BTBD9: variants seen among roughly 807,000 people sequenced by gnomAD.
BTBD9 encodes the protein BTB/POZ domain-containing protein 9.
In BTBD9, 49 loss-of-function variants were observed where a neutral mutation model predicts 64.3. The observed-to-expected ratio is 0.76, with a 90% CI of 0.61 to 0.97. BTBD9 has a LOEUF of 0.97. Among genes scored for constraint, BTBD9 ranks in the 50% least tolerant of loss-of-function variants. The pLI is 0.00. For synonymous variants in BTBD9, 260 were observed against 274.7 expected (o/e 0.95, Z 0.53); for missense variants, 598 against 762.1 (o/e 0.78, Z 2.53).
chr6:38,432,139 T>A (rs1768469716), intron 6 of BTBD9, among the ~76,000 whole-genome samples: 1 of 152,032 alleles, frequency 6.6e-6, no homozygotes, highest in Non-Finnish European at 1.5e-5. Flanking sequence ...TTTGTCTCTT[T>A]TGCACAAGCT....
At chr6:38,321,347 T>C (rs551327271) in intron 7 of BTBD9, among the ~76,000 whole-genome samples, 32 of 152,304 alleles carry the variant, frequency 2.1e-4, no homozygotes, top group South Asian at 1.2e-3. Context: ...AAAGGTACCC[T>C]ACAGTATTTA....
At chr6:38,600,628 T>C (rs909601266) in intron 1 of BTBD9, among the ~76,000 whole-genome samples, 3 of 152,206 alleles carry the variant, frequency 2.0e-5, no homozygotes, top group Non-Finnish European at 4.4e-5. Flanking sequence ...GCAATGTATA[T>C]ACCCAGTAAA....
intron 6 of BTBD9, among the ~76,000 whole-genome samples, chr6:38,360,502 G>C (rs1216192797): frequency 6.6e-6 from 1 of 152,082 alleles, no homozygotes; most frequent in Non-Finnish European, 1.5e-5. Context: ...AGTACATTCT[G>C]TTATATAAAT....
rs141378489 is a variant in BTBD9, at chr6:38,371,715, T to C, written c.1155-26622A>G. Among the ~76,000 whole-genome samples, 850 of 152,298 alleles carry C rather than the reference T, an allele frequency of 5.6e-3. 4 individuals carry two copies. The highest frequency in any genetic ancestry group is 8.4e-3 in the Non-Finnish European group (572 of 68,030). ...TTTCTGTAATCTGCACACCAGCACA[T>C]TGAAAATAATGTAAACAAGGTCAGC... is the stretch of plus-strand genomic sequence containing the variant. On this transcript the variant is annotated intron_variant, in intron 6 of 10. Coordinates refer to ENST00000481247, the MANE Select transcript of BTBD9 (RefSeq NM_001099272.2).
intron 7 of BTBD9, among the ~76,000 whole-genome samples, chr6:38,302,485 G>GTATGTGTGTGTGTGTATATATATATATA (rs1384155514): frequency 2.8e-5 from 3 of 106,894 alleles, no homozygotes; most frequent in African/African-American, 1.1e-4. Context: ...TTGTGTGTAT[G>GTATGTGTGTGTGTGTATATATATATATA]TATATATATA....
intron 6 of BTBD9, among the ~76,000 whole-genome samples, chr6:38,402,055 T>G (rs918041690): frequency 1.3e-5 from 2 of 151,586 alleles, no homozygotes; most frequent in Admixed American, 6.6e-5. Context: ...AAATGAACAA[T>G]GAAAAAATGA....
rs750773305 is a variant in BTBD9 at position 38,598,966 on chromosome 6, G to T, written c.-27-845C>A. 1.0e-3 allele frequency among the ~76,000 whole-genome samples: 152 copies of T among 151,976 alleles called. 1 individual carries two copies. The highest frequency in any genetic ancestry group is 1.9e-3 in the Non-Finnish European group (130 of 68,004). ...TCTTCTGGAGTCACAAAAATAACTT[G>T]ACATTTATTAATGAACATTTGCAGT... On this transcript the variant is annotated intron_variant, in intron 1 of 10. Transcript: ENST00000481247.
At chr6:38,374,307 G>GTATATATATATATATGTA (rs1765576897) in intron 6 of BTBD9, among the ~76,000 whole-genome samples, 2 of 59,094 alleles carry the variant, frequency 3.4e-5, no homozygotes, top group Admixed American at 2.2e-4. Flanking sequence ...GTATATATAT[G>GTATATATATATATATGTA]TATATATATA....
intron 9 of BTBD9, among the ~76,000 whole-genome samples, chr6:38,209,969 G>A (rs1231258021): frequency 2.0e-5 from 3 of 152,154 alleles, no homozygotes; most frequent in African/African-American, 7.2e-5. Flanking sequence ...CACAGAGAGC[G>A]GCAGGACCCT....
intron 6 of BTBD9, among the ~76,000 whole-genome samples, chr6:38,450,071 T>A (rs1769452809): frequency 6.6e-6 from 1 of 152,154 alleles, no homozygotes; most frequent in Non-Finnish European, 1.5e-5. Context: ...GATAGATACA[T>A]AAATGGAATA....
At chr6:38,292,191 T>C (rs564351143) in intron 7 of BTBD9, among the ~76,000 whole-genome samples, 2 of 152,138 alleles carry the variant, frequency 1.3e-5, no homozygotes, top group African/African-American at 4.8e-5. Flanking sequence ...CTTGAACTCC[T>C]GACCTCAGGT....
rs1328020733 is a variant in BTBD9, at chr6:38,569,684, TAAACA to T, written c.1154+7911_1154+7915del. 8.5e-5 allele frequency among the ~76,000 whole-genome samples: 13 copies of T among 152,296 alleles called. No homozygotes were observed. In the East Asian group the frequency reaches 2.3e-3, roughly 27 times the overall value. Reference sequence around the variant, plus strand: ...AGAAGCTCAACATGTTATTATCCTCTAAACAAAACAAAACAAAGAAGCTTGGATTC... The same window carrying T: ...AGAAGCTCAACATGTTATTATCCTCTAAACAAAACAAAGAAGCTTGGATTC... On this transcript the variant is annotated intron_variant, in intron 6 of 10. Coordinates refer to ENST00000481247, the MANE Select transcript of BTBD9 (RefSeq NM_001099272.2).
At chr6:38,300,224 T>C (rs1012870315) in intron 7 of BTBD9, among the ~76,000 whole-genome samples, 2 of 152,192 alleles carry the variant, frequency 1.3e-5, no homozygotes, top group Non-Finnish European at 2.9e-5. Context: ...TATATCTCTG[T>C]TTTGGAACCA....
At chr6:38,239,247 C>A (rs1300519245) in intron 9 of BTBD9, among the ~76,000 whole-genome samples, 1 of 151,986 alleles carries the variant, frequency 6.6e-6, no homozygotes, top group Non-Finnish European at 1.5e-5. Flanking sequence ...CGAGACCATC[C>A]TGGCCAACAT....
intron 1 of BTBD9, among the ~76,000 whole-genome samples, chr6:38,598,923 AAAT>A (rs976453124): frequency 1.3e-5 from 2 of 152,008 alleles, no homozygotes; most frequent in Non-Finnish European, 2.9e-5. Flanking sequence ...TTCTCAAAAA[AAAT>A]AATAATAATA....
intron 4 of BTBD9, among the ~76,000 whole-genome samples, chr6:38,591,564 T>C (rs1776790943): frequency 6.6e-6 from 1 of 152,220 alleles, no homozygotes; most frequent in African/African-American, 2.4e-5. Context: ...TAGTGGTTAA[T>C]TACACAACTT....
At chr6:38,455,493 T>C (rs1429224707) in intron 6 of BTBD9, among the ~76,000 whole-genome samples, 1 of 152,234 alleles carries the variant, frequency 6.6e-6, no homozygotes, top group African/African-American at 2.4e-5. Flanking sequence ...TATAGAATGA[T>C]ATATAAATGG....
At chr6:38,257,029 C>A (rs1408108203) in intron 8 of BTBD9, among the ~76,000 whole-genome samples, 1 of 151,446 alleles carries the variant, frequency 6.6e-6, no homozygotes, top group Non-Finnish European at 1.5e-5. Context: ...CCCACCTCAG[C>A]CTCCTGAGTA....
rs145837413 is a variant in BTBD9, at chr6:38,410,964, CTT to C, written c.1155-65873_1155-65872del. On this transcript the variant is annotated intron_variant, in intron 6 of 10. Coordinates refer to ENST00000481247, the MANE Select transcript of BTBD9 (RefSeq NM_001099272.2). ...TGTATCTCCAGTCCAACCTCTCTCT[CTT>C]GTGACCTCCTGTCCCACATTCTGAT... Among the ~76,000 whole-genome samples, 1,025 of 152,254 alleles carry C rather than the reference CTT, an allele frequency of 6.7e-3. 12 individuals carry two copies. Among genetic ancestry groups the C allele is most frequent in the African/African-American group, 0.023 (976 of 41,546 alleles).
Sources: gnomAD v4.1 joint callset for allele counts (sites outside exome capture counted in the v4.1 genomes callset) on GRCh38, gnomAD v4.1.1 for gene constraint, MANE v1.5 for transcripts, NCBI Gene and HGNC (gene_info 2026-07-23, HGNC 2026-07-21) for gene names.